Variants in FAM241A observed in about 807,000 individuals in gnomAD.
The protein encoded by FAM241A is uncharacterized protein FAM241A.
FAM241A carries 7 observed loss-of-function variants against 12.2 expected under a neutral mutation model. The ratio of observed to expected loss-of-function variants is 0.58; its 90% CI spans 0.33 to 1.08. The LOEUF (loss-of-function observed/expected upper bound fraction) is 1.08. Among genes scored for constraint, FAM241A ranks in the 50% least tolerant of loss-of-function variants. The probability of loss-of-function intolerance (pLI) is 0.04; values close to 1 mark genes in which losing one functional copy is unlikely to be tolerated. For synonymous variants in FAM241A, 74 were observed against 68.2 expected (o/e 1.08, Z -0.42); for missense variants, 161 against 169.7 (o/e 0.95, Z 0.29).
chr4:112,158,688 GTTA>G (rs1245648113), intron 1 of FAM241A, among the ~76,000 whole-genome samples: 3 of 152,010 alleles, frequency 2.0e-5, no homozygotes, highest in African/African-American at 7.2e-5. Flanking sequence ...TATTTTTATT[GTTA>G]TTCTTATTTT....
At chr4:112,163,010 C>T (rs1043839118) in intron 1 of FAM241A, among the ~76,000 whole-genome samples, 5 of 152,196 alleles carry the variant, frequency 3.3e-5, no homozygotes, top group African/African-American at 1.2e-4. Flanking sequence ...TACCACACAT[C>T]TACAACCATC....
At chr4:112,183,360 T>G (rs1723979540) in intron 1 of FAM241A, among the ~76,000 whole-genome samples, 1 of 152,136 alleles carries the variant, frequency 6.6e-6, no homozygotes, top group Non-Finnish European at 1.5e-5. Context: ...GGTCTTCAGC[T>G]TCCAGTCTCA....
intron 1 of FAM241A, among the ~76,000 whole-genome samples, chr4:112,175,409 T>TG (rs1723799176): frequency 6.6e-6 from 1 of 152,152 alleles, no homozygotes; most frequent in African/African-American, 2.4e-5. Context: ...TTTCAATAGT[T>TG]GCAGTAAAAG....
intron 1 of FAM241A, among the ~76,000 whole-genome samples, chr4:112,156,065 G>A (rs1723347735): frequency 6.6e-6 from 1 of 152,086 alleles, no homozygotes; most frequent in South Asian, 2.1e-4. Flanking sequence ...TCAATTTAGT[G>A]GATTTTAAAC....
rs1724137822 is a variant in FAM241A, at chr4:112,190,265, A to G, written c.*3327A>G. 6.6e-6 allele frequency: 1 copy of G among 152,240 alleles called. No homozygotes were observed. Among genetic ancestry groups the G allele is most frequent in the Non-Finnish European group, 1.5e-5 (1 of 68,040 alleles). 9.4% of individuals were successfully genotyped at this position (152,240 alleles called of 1,614,324 possible). On this transcript the variant is annotated 3_prime_UTR_variant, in exon 2 of 2. Transcript: ENST00000309733. ...GTCAAAGCCAGGTTTGGAGCAATCA[A>G]AGGCTATTCGTGTGGTTCATAGATT... is the stretch of plus-strand genomic sequence containing the variant.
rs1724140699 is a variant in FAM241A, at chr4:112,190,391, A to C, written c.*3453A>C. On this transcript the variant is annotated 3_prime_UTR_variant, in exon 2 of 2. Coordinates refer to ENST00000309733, the MANE Select transcript of FAM241A (RefSeq NM_152400.3). ...CAATTGAAGGGAGAAAAAAAAATGT[A>C]AGACGGCCAGGCGCGGTGGCTCATC... 1 of 152,092 alleles carries C rather than the reference A, an allele frequency of 6.6e-6. No individual in the cohort carries two copies. Among genetic ancestry groups the C allele is most frequent in the African/African-American group, 2.4e-5 (1 of 41,390 alleles). 9.4% of individuals were successfully genotyped at this position (152,092 alleles called of 1,614,324 possible).
intron 1 of FAM241A, among the ~76,000 whole-genome samples, chr4:112,147,144 C>T (rs1053860185): frequency 1.3e-5 from 2 of 152,178 alleles, no homozygotes; most frequent in African/African-American, 4.8e-5. Flanking sequence ...ATTATGTAGA[C>T]ATCACTAATA....
chr4:112,169,690 T>C (rs1213237868), intron 1 of FAM241A, among the ~76,000 whole-genome samples: 1 of 152,186 alleles, frequency 6.6e-6, no homozygotes, highest in African/African-American at 2.4e-5. Context: ...ACAGGGAAAT[T>C]GGAGACTGTA....
Position 112,190,762 on chromosome 4 carries a change from T to C in FAM241A, c.*3824T>C, listed in dbSNP as rs1190578656. The C allele has an allele frequency of 6.6e-6, 1 of 151,988 alleles. No individual in the cohort carries two copies. The highest frequency in any genetic ancestry group is 1.5e-5 in the Non-Finnish European group (1 of 68,006). The allele number at this position is 151,988 out of a possible 1,614,324, so 9.4% of individuals were successfully genotyped here. ...GTTGGCCGAGAAGAATATAAACTTATTTACAAACTATGACTTCAGGAGTAT... is the reference window on the plus strand; with the variant it reads ...GTTGGCCGAGAAGAATATAAACTTACTTACAAACTATGACTTCAGGAGTAT... On this transcript the variant is annotated 3_prime_UTR_variant, in exon 2 of 2. Transcript: ENST00000309733.
chr4:112,195,147 T>C lies in FAM241A; in HGVS notation c.*8209T>C, dbSNP rs1724244246. The C allele has an allele frequency of 6.6e-6, 1 of 152,260 alleles. No individual in the cohort carries two copies. Among genetic ancestry groups the C allele is most frequent in the African/African-American group, 2.4e-5 (1 of 41,474 alleles). The allele number at this position is 152,260 out of a possible 1,614,324, so 9.4% of individuals were successfully genotyped here. ...TCTCAAGTATCGAAGCGTGGTGTTT[T>C]AGGCTCCAGAAGAAATCCACTATTA... is the stretch of plus-strand genomic sequence containing the variant. On this transcript the variant is annotated 3_prime_UTR_variant, in exon 2 of 2. Transcript: ENST00000309733.
In FAM241A at chr4:112,186,804, A is replaced by C. The variant is rs1379335975; in HGVS notation, c.265A>C (p.Arg89=). Residue 89 remains arginine, a synonymous_variant, in exon 2 of 2, where the codon AGG becomes CGG. Transcript: ENST00000309733. The part of the protein sequence containing the change: ...NKNLINMGFT[R]MYFGERIVEP... ...AAACCTTATCAACATGGGCTTCACAAGGATGTATTTTGGAGAACGAATAGT... is the reference window on the plus strand; with the variant it reads ...AAACCTTATCAACATGGGCTTCACACGGATGTATTTTGGAGAACGAATAGT... 6.2e-7 allele frequency: 1 copy of C among 1,614,078 alleles called. No homozygotes were observed. The highest frequency in any genetic ancestry group is 8.5e-7 in the Non-Finnish European group (1 of 1,179,988).
intron 1 of FAM241A, among the ~76,000 whole-genome samples, chr4:112,183,901 G>A (rs1453364199): frequency 6.6e-6 from 1 of 151,812 alleles, no homozygotes; most frequent in Non-Finnish European, 1.5e-5. Flanking sequence ...GTAGTATATT[G>A]TTATGGATCA....
At chr4:112,156,418 A>G (rs1723353518) in intron 1 of FAM241A, among the ~76,000 whole-genome samples, 2 of 152,128 alleles carry the variant, frequency 1.3e-5, no homozygotes, top group African/African-American at 4.8e-5. Context: ...TTGCTATTTG[A>G]AATTATCTTC....
At chr4:112,177,371 A>T (rs916440319) in intron 1 of FAM241A, among the ~76,000 whole-genome samples, 1 of 152,156 alleles carries the variant, frequency 6.6e-6, no homozygotes, top group African/African-American at 2.4e-5. Flanking sequence ...CATTAACTAG[A>T]TGTTAGCTAT....
rs969099285 is a variant in FAM241A, at chr4:112,190,698, C to CAA, written c.*3775_*3776dup. 143 of 90,466 alleles carry CAA rather than the reference C, an allele frequency of 1.6e-3. No homozygotes were observed. Among genetic ancestry groups the CAA allele is most frequent in the Admixed American group, 2.9e-3 (24 of 8,348 alleles). 5.6% of individuals were successfully genotyped at this position (90,466 alleles called of 1,614,324 possible). A position where few individuals can be genotyped will look rare whatever the true frequency, so the allele number is the denominator to read the frequency against. On this transcript the variant is annotated 3_prime_UTR_variant, in exon 2 of 2. Coordinates refer to ENST00000309733, the MANE Select transcript of FAM241A (RefSeq NM_152400.3). Reference sequence around the variant, plus strand: ...GGGCAACAAGAGCGAAACTCCATCTCAAAAAAAAAAAAAAAAGACTTTCAT... The same window carrying CAA: ...GGGCAACAAGAGCGAAACTCCATCTCAAAAAAAAAAAAAAAAAAGACTTTCAT...
At chr4:112,155,470 A>G (rs1723333043) in intron 1 of FAM241A, among the ~76,000 whole-genome samples, 1 of 152,012 alleles carries the variant, frequency 6.6e-6, no homozygotes, top group African/African-American at 2.4e-5. Context: ...GTATAAAACA[A>G]TGCTATAATT....
At chr4:112,148,010 T>C (rs575505858) in intron 1 of FAM241A, among the ~76,000 whole-genome samples, 15 of 152,228 alleles carry the variant, frequency 9.9e-5, no homozygotes, top group African/African-American at 2.6e-4. Context: ...AGAGCTATGG[T>C]TGTATGCTCT....
chr4:112,158,464 A>G (rs753419418), intron 1 of FAM241A, among the ~76,000 whole-genome samples: 4 of 152,102 alleles, frequency 2.6e-5, no homozygotes, highest in Non-Finnish European at 5.9e-5. Flanking sequence ...ATGAGCTCCT[A>G]CTATTTTTCC....
chr4:112,153,225 G>A (rs2110420426), intron 1 of FAM241A, among the ~76,000 whole-genome samples: 1 of 150,852 alleles, frequency 6.6e-6, no homozygotes, highest in Middle Eastern at 3.4e-3. Context: ...TTTCCCCCTT[G>A]TTGCTCACTA....
Sources: gnomAD v4.1 joint callset for allele counts (sites outside exome capture counted in the v4.1 genomes callset) on GRCh38, gnomAD v4.1.1 for gene constraint, MANE v1.5 for transcripts, NCBI Gene and HGNC (gene_info 2026-07-23, HGNC 2026-07-21) for gene names.